Variants in MAN1C1 observed in about 807,000 individuals in gnomAD.
MAN1C1 encodes the protein mannosidase alpha class 1C member 1.
Under a neutral mutation model 71.5 loss-of-function variants are expected in MAN1C1, and 49 were observed. That is an observed-to-expected ratio of 0.69 (90% confidence interval 0.54 to 0.87). The LOEUF is 0.87. Ranked by LOEUF, MAN1C1 falls within the 40% of genes least tolerant of loss-of-function variation. The pLI is 0.00. For missense variants in MAN1C1, 743 were observed against 835.0 expected, an observed-to-expected ratio of 0.89 and a Z score of 1.36; for synonymous variants, 352 against 343.7, an observed-to-expected ratio of 1.02 and a Z score of -0.27.
At chr1:25,703,172 T>C (rs1315490908) in intron 2 of MAN1C1, among the ~76,000 whole-genome samples, 2 of 152,200 alleles carry the variant, frequency 1.3e-5, no homozygotes, top group East Asian at 3.8e-4. Flanking sequence ...ATTGGTCCCC[T>C]TCCCTCACTC....
rs749919958 is a variant in MAN1C1, at chr1:25,778,142, G to A, written c.1295G>A (p.Gly432Glu). The change falls in exon 9 of 12, where the codon GGG (glycine) becomes GAG (glutamate). Residue 432 changes from glycine (G) to glutamate (E), a missense_variant. Coordinates refer to ENST00000374332, the MANE Select transcript of MAN1C1 (RefSeq NM_020379.4). This position sits in a 1 kb window ranked among gnomAD's most constrained non-coding sequence, Gnocchi z 5.5. ...ETYLLNVSPGGLTYIAEWRGG... is the reference protein window; with the variant it reads ...ETYLLNVSPGELTYIAEWRGG... ...TACTTGCTGAATGTCTCTCCCGGGGGGCTGACCTACATTGCCGAGTGGCGA... is the reference window on the plus strand; with the variant it reads ...TACTTGCTGAATGTCTCTCCCGGGGAGCTGACCTACATTGCCGAGTGGCGA... 15 of 1,595,088 alleles carry A rather than the reference G, an allele frequency of 9.4e-6. No individual in the cohort carries two copies. Among genetic ancestry groups the A allele is most frequent in the Non-Finnish European group, 1.3e-5 (15 of 1,168,200 alleles).
chr1:25,629,487 G>A (rs926006250), intron 1 of MAN1C1, among the ~76,000 whole-genome samples: 32 of 152,118 alleles, frequency 2.1e-4, no homozygotes, highest in African/African-American at 6.8e-4. Context: ...TCAGGCTGGA[G>A]TGCAGTGGTG....
Position 25,776,721 on chromosome 1 carries a change from T to C in MAN1C1, c.1258-1384T>C, listed in dbSNP as rs1451430845. ...GAAATATTACATGGCTGCCGAGATA[T>C]TGTAAGCCAGGAGGGTACCTGAGTG... On this transcript the variant is annotated intron_variant, in intron 8 of 11. Coordinates refer to ENST00000374332, the MANE Select transcript of MAN1C1 (RefSeq NM_020379.4). This position sits in a 1 kb window ranked among gnomAD's most constrained non-coding sequence, Gnocchi z 4.3. 6.6e-6 allele frequency among the ~76,000 whole-genome samples: 1 copy of C among 151,966 alleles called. No individual in the cohort carries two copies. The highest frequency in any genetic ancestry group is 1.5e-5 in the Non-Finnish European group (1 of 68,008).
In MAN1C1 at chr1:25,631,570, C is replaced by T. The variant is rs1446293618; in HGVS notation, c.540+13233C>T. Among the ~76,000 whole-genome samples, 1 of 151,930 alleles carries T rather than the reference C, an allele frequency of 6.6e-6. No homozygotes were observed. The highest frequency in any genetic ancestry group is 2.4e-5 in the African/African-American group (1 of 41,330). Reference sequence around the variant, plus strand: ...ATTTATTGACTTGTATATGTTAGACCATCCCTGCATCCCTGCTATGAAACC... The same window carrying T: ...ATTTATTGACTTGTATATGTTAGACTATCCCTGCATCCCTGCTATGAAACC... On this transcript the variant is annotated intron_variant, in intron 1 of 11. Coordinates refer to ENST00000374332, the MANE Select transcript of MAN1C1 (RefSeq NM_020379.4). The surrounding 1 kb of genome is among the most constrained non-coding windows in gnomAD (Gnocchi z 4.2).
At chr1:25,675,352 C>T (rs1368226919) in intron 1 of MAN1C1, among the ~76,000 whole-genome samples, 1 of 152,096 alleles carries the variant, frequency 6.6e-6, no homozygotes, top group Non-Finnish European at 1.5e-5. Flanking sequence ...TTTTCCAATC[C>T]TGAGTTACTT....
At chr1:25,630,744 G>A (rs1440107340) in intron 1 of MAN1C1, among the ~76,000 whole-genome samples, 2 of 152,122 alleles carry the variant, frequency 1.3e-5, no homozygotes, top group Non-Finnish European at 2.9e-5. Flanking sequence ...CTACTGATTT[G>A]TATATACTGA....
At chr1:25,699,666 A>C (rs1433336707) in intron 2 of MAN1C1, among the ~76,000 whole-genome samples, 1 of 152,148 alleles carries the variant, frequency 6.6e-6, no homozygotes, top group African/African-American at 2.4e-5. Flanking sequence ...AGTTACTTCT[A>C]GGTCCTAAAA....
rs2046421081 is a variant in MAN1C1 at position 25,700,226 on chromosome 1, T to G, written c.637+13690T>G. Among the ~76,000 whole-genome samples, 4 of 152,214 alleles carry G rather than the reference T, an allele frequency of 2.6e-5. No homozygotes were observed. The South Asian group carries it at 8.3e-4, about 31-fold the overall frequency. The stretch of plus-strand genomic sequence containing the variant: ...TGGGAATAGACCATGTAGGGATAAC[T>G]GCTGCTGTCTAATCCCTCCAATGGC... On this transcript the variant is annotated intron_variant, in intron 2 of 11. Transcript: ENST00000374332.
intron 2 of MAN1C1, among the ~76,000 whole-genome samples, chr1:25,734,512 G>C (rs2124308937): frequency 6.6e-6 from 1 of 152,386 alleles, no homozygotes; most frequent in Non-Finnish European, 1.5e-5. Context: ...TTCTGATAAG[G>C]AAGGGTTGGC....
At chr1:25,757,776 C>T (rs368074439) in intron 5 of MAN1C1, among the ~76,000 whole-genome samples, 6 of 152,244 alleles carry the variant, frequency 3.9e-5, no homozygotes, top group Non-Finnish European at 5.9e-5. Context: ...TGTTCCCTAT[C>T]CTATGATCAA....
At chr1:25,763,293 A>G (rs976225300) in intron 6 of MAN1C1, among the ~76,000 whole-genome samples, 19 of 151,988 alleles carry the variant, frequency 1.3e-4, no homozygotes, top group African/African-American at 3.6e-4. Context: ...GTTTGAGACC[A>G]GCTTGGCTGA....
At chr1:25,783,278 A>G (rs765604677) in intron 11 of MAN1C1, among the ~76,000 whole-genome samples, 3 of 152,130 alleles carry the variant, frequency 2.0e-5, no homozygotes, top group Admixed American at 6.6e-5. Flanking sequence ...CAGTGCCCCA[A>G]TGTGTACTCT....
At chr1:25,676,847 A>C (rs2046075469) in intron 1 of MAN1C1, among the ~76,000 whole-genome samples, 2 of 152,286 alleles carry the variant, frequency 1.3e-5, no homozygotes, top group Admixed American at 1.3e-4. Context: ...CTCAATATTC[A>C]ATGCTCACCC....
chr1:25,686,957 T>TG (rs1389375021), intron 2 of MAN1C1, among the ~76,000 whole-genome samples: 1 of 152,076 alleles, frequency 6.6e-6, no homozygotes, highest in African/African-American at 2.4e-5. Context: ...ACATATCTGA[T>TG]GGGGCTGGGT....
chr1:25,736,344 G>A (rs923413056), intron 2 of MAN1C1, among the ~76,000 whole-genome samples: 5 of 152,062 alleles, frequency 3.3e-5, no homozygotes, highest in African/African-American at 9.7e-5. Flanking sequence ...TTCTCTGCTG[G>A]AACTGAACCT....
At position 25,746,534 on chromosome 1, in the gene MAN1C1, G is replaced by A. The variant is rs553464478; in HGVS notation, c.638-134G>A. On this transcript the variant is annotated intron_variant, in intron 2 of 11. Coordinates refer to ENST00000374332, the MANE Select transcript of MAN1C1 (RefSeq NM_020379.4). The surrounding 1 kb of genome is among the most constrained non-coding windows in gnomAD (Gnocchi z 4.0). ...TTCGATGGTGGCACTGGAGTCCCCC[G>A]GATGGTGCCTGAGGCCAGCCTTTGC... 3.8e-5 allele frequency: 28 copies of A among 732,608 alleles called. No individual in the cohort carries two copies. Among genetic ancestry groups the A allele is most frequent in the Middle Eastern group, 2.5e-4 (1 of 3,988 alleles). 45.4% of individuals were successfully genotyped at this position (732,608 alleles called of 1,614,324 possible). A position where few individuals can be genotyped will look rare whatever the true frequency, so the allele number is the denominator to read the frequency against.
At chr1:25,696,033 G>A (rs2046365583) in intron 2 of MAN1C1, among the ~76,000 whole-genome samples, 1 of 152,210 alleles carries the variant, frequency 6.6e-6, no homozygotes, top group South Asian at 2.1e-4. Context: ...GGAGAGGAGT[G>A]AGTCAGGGTG....
chr1:25,684,995 C>T (rs1018863760), intron 1 of MAN1C1, among the ~76,000 whole-genome samples: 2 of 152,186 alleles, frequency 1.3e-5, no homozygotes, highest in Admixed American at 1.3e-4. Flanking sequence ...TTAACAAGCC[C>T]CCCAGTGATT....
Position 25,734,881 on chromosome 1 carries a change from G to A in MAN1C1, c.638-11787G>A, listed in dbSNP as rs1044002954. Among the ~76,000 whole-genome samples, 8 of 152,346 alleles carry A rather than the reference G, an allele frequency of 5.3e-5. No individual in the cohort carries two copies. In the South Asian group the frequency reaches 8.3e-4, roughly 16 times the overall value. Reference sequence around the variant, plus strand: ...GAGAAACAATGCCTTTGATATAAACGTTCAGAGGAGAAAAACCTCAGATCC... The same window carrying A: ...GAGAAACAATGCCTTTGATATAAACATTCAGAGGAGAAAAACCTCAGATCC... On this transcript the variant is annotated intron_variant, in intron 2 of 11. Coordinates refer to ENST00000374332, the MANE Select transcript of MAN1C1 (RefSeq NM_020379.4).
Sources: gnomAD v4.1 joint callset for allele counts (sites outside exome capture counted in the v4.1 genomes callset) on GRCh38, gnomAD v4.1.1 for gene constraint, Gnocchi (gnomAD v3.1) non-coding constraint, MANE v1.5 for transcripts, NCBI Gene and HGNC (gene_info 2026-07-23, HGNC 2026-07-21) for gene names.